PCDH15: variants seen among roughly 807,000 people sequenced by gnomAD.
PCDH15 encodes protocadherin related 15.
In PCDH15, 129 loss-of-function variants were observed where a neutral mutation model predicts 178.5. The observed-to-expected ratio is 0.72, with a 90% CI of 0.63 to 0.84. The LOEUF is 0.84. Ranked by LOEUF, PCDH15 falls within the 40% of genes least tolerant of loss-of-function variation. The pLI is 0.00. For synonymous variants in PCDH15, 800 were observed against 732.0 expected, an observed-to-expected ratio of 1.09 and a Z score of -1.50; for missense variants, 2,230 against 2,099.9, an observed-to-expected ratio of 1.06 and a Z score of -1.21.
At chr10:55,440,348 C>T (rs766892070) in intron 2 of PCDH15, among the ~76,000 whole-genome samples, 3 of 152,076 alleles carry the variant, frequency 2.0e-5, no homozygotes, top group Non-Finnish European at 2.9e-5. Context: ...TAGTGCAAAA[C>T]AAATCATGTG....
At chr10:55,394,309 T>A (rs1210155740) in intron 2 of PCDH15, among the ~76,000 whole-genome samples, 2 of 152,076 alleles carry the variant, frequency 1.3e-5, no homozygotes, top group African/African-American at 2.4e-5. Flanking sequence ...CATATTTGTT[T>A]CTTGATGCTC....
rs1287744426 is a variant in PCDH15 at position 55,529,773 on chromosome 10, A to T, written c.-156+97852T>A. Among the ~76,000 whole-genome samples, 5 of 138,526 alleles carry T rather than the reference A, an allele frequency of 3.6e-5. No individual in the cohort carries two copies. The South Asian group carries it at 8.8e-4, about 24-fold the overall frequency. 90.9% of individuals were successfully genotyped at this position (138,526 alleles called of 152,430 possible). A position where few individuals can be genotyped will look rare whatever the true frequency, so the allele number is the denominator to read the frequency against. On this transcript the variant is annotated intron_variant, in intron 2 of 5. Transcript: ENST00000613346. ...TATATATATATATATATATATATAT[A>T]TATATTTGATTACCACAAATACATA...
At chr10:53,907,451 T>C (rs1174168058) in intron 25 of PCDH15, among the ~76,000 whole-genome samples, 1 of 152,140 alleles carries the variant, frequency 6.6e-6, no homozygotes, top group African/African-American at 2.4e-5. Flanking sequence ...ATCTAAACAA[T>C]GCAAGTATTG....
At chr10:55,004,792 C>A (rs1449598958) in intron 2 of PCDH15, among the ~76,000 whole-genome samples, 1 of 152,156 alleles carries the variant, frequency 6.6e-6, no homozygotes, top group South Asian at 2.1e-4. Context: ...GGAAGACCTA[C>A]ACTGAATCTC....
At chr10:54,682,951 G>A (rs962685275) in intron 1 of PCDH15, among the ~76,000 whole-genome samples, 3 of 152,098 alleles carry the variant, frequency 2.0e-5, no homozygotes, top group Admixed American at 1.3e-4. Context: ...TAATATGGAA[G>A]TGTTGCTCAG....
intron 2 of PCDH15, among the ~76,000 whole-genome samples, chr10:54,532,700 G>T (rs1454511956): frequency 6.6e-6 from 1 of 151,630 alleles, no homozygotes; most frequent in East Asian, 1.9e-4. Context: ...TCTTTCTCAA[G>T]TGCAAGTACA....
intron 3 of PCDH15, among the ~76,000 whole-genome samples, chr10:54,427,558 G>A (rs1378074867): frequency 7.2e-5 from 11 of 152,000 alleles, no homozygotes; most frequent in South Asian, 2.1e-4. Flanking sequence ...GATTACAGGC[G>A]TGAGCCACCA....
chr10:54,865,329 G>A lies in PCDH15; in HGVS notation c.-29+32121C>T, dbSNP rs939151525. 3.9e-5 allele frequency among the ~76,000 whole-genome samples: 6 copies of A among 152,218 alleles called. 1 individual carries two copies. The highest frequency in any genetic ancestry group is 8.8e-5 in the Non-Finnish European group (6 of 68,012). On this transcript the variant is annotated intron_variant, in intron 3 of 5. Coordinates refer to the PCDH15 transcript ENST00000458638. ...GTTACACTTTAACATCAGACTCTCT[G>A]GTCTTTGGAGTCTTGGACTTACATC...
intron 21 of PCDH15, among the ~76,000 whole-genome samples, chr10:53,987,323 A>G (rs117514523): frequency 2.7e-3 from 410 of 152,230 alleles, no homozygotes; most frequent in Non-Finnish European, 4.6e-3. Flanking sequence ...GCAAAAAAAA[A>G]GTGTCATATA....
chr10:54,257,152 G>A (rs7088595), intron 8 of PCDH15, among the ~76,000 whole-genome samples: 103,483 of 151,176 alleles, frequency 0.68, 36,362 homozygotes, highest in Middle Eastern at 0.75. Context: ...TTTAGGTAAT[G>A]TTCCTTGTCA....
At chr10:55,469,524 T>C (rs1839911971) in intron 2 of PCDH15, among the ~76,000 whole-genome samples, 1 of 152,096 alleles carries the variant, frequency 6.6e-6, no homozygotes, top group Admixed American at 6.5e-5. Flanking sequence ...AAGGATATGC[T>C]TCATTGTTTA....
intron 25 of PCDH15, among the ~76,000 whole-genome samples, chr10:53,914,775 AAAC>A (rs1407171028): frequency 2.0e-5 from 3 of 152,202 alleles, no homozygotes; most frequent in African/African-American, 7.2e-5. Context: ...AAAAAAATAA[AAAC>A]AACTGCATGT....
At chr10:55,526,075 A>G (rs1377533278) in intron 2 of PCDH15, among the ~76,000 whole-genome samples, 1 of 151,980 alleles carries the variant, frequency 6.6e-6, no homozygotes, top group Non-Finnish European at 1.5e-5. Flanking sequence ...TTTCCTTCTC[A>G]GATATTCAGT....
At chr10:53,994,015 T>C (rs1423460393) in intron 21 of PCDH15, among the ~76,000 whole-genome samples, 1 of 152,204 alleles carries the variant, frequency 6.6e-6, no homozygotes, top group Non-Finnish European at 1.5e-5. Context: ...AAATATGAAA[T>C]TTAAATCTGG....
chr10:55,063,507 C>A (rs190433700), intron 2 of PCDH15, among the ~76,000 whole-genome samples: 2 of 152,020 alleles, frequency 1.3e-5, no homozygotes, highest in Non-Finnish European at 2.9e-5. Flanking sequence ...AGTTGTAAGG[C>A]ACTAAAGAAT....
intron 3 of PCDH15, among the ~76,000 whole-genome samples, chr10:54,462,485 CTTTTCTTTTCT>C (rs2077230229): frequency 7.8e-6 from 1 of 128,680 alleles, no homozygotes; most frequent in South Asian, 2.4e-4. Flanking sequence ...TCTTTCTTTT[CTTTTCTTTTCT>C]TTTTCTTTTT....
chr10:54,707,213 G>T (rs2095373982), intron 1 of PCDH15, among the ~76,000 whole-genome samples: 1 of 152,114 alleles, frequency 6.6e-6, no homozygotes, highest in Admixed American at 6.5e-5. Flanking sequence ...AAGGGTCAGA[G>T]AAATTAAGTA....
chr10:54,285,227 G>A (rs1448109784), intron 8 of PCDH15, among the ~76,000 whole-genome samples: 2 of 149,268 alleles, frequency 1.3e-5, no homozygotes, highest in East Asian at 3.9e-4. Flanking sequence ...AGCACAAACA[G>A]TGAAAGAAAA....
chr10:54,072,472 C>G (rs1293108892), intron 17 of PCDH15, among the ~76,000 whole-genome samples: 2 of 151,876 alleles, frequency 1.3e-5, no homozygotes, highest in Non-Finnish European at 2.9e-5. Context: ...TACATAAAAT[C>G]TAGAATTTCT....
Sources: allele counts gnomAD v4.1 joint callset (sites outside exome capture counted in the v4.1 genomes callset), GRCh38; gene constraint gnomAD v4.1.1; transcripts MANE v1.5; gene names NCBI Gene and HGNC (gene_info 2026-07-23, HGNC 2026-07-21).